Variants in DDX31 observed in about 807,000 individuals in gnomAD.
The protein encoded by DDX31 is ATP-dependent DNA helicase DDX31.
Under a neutral mutation model 91.3 loss-of-function variants are expected in DDX31, and 70 were observed. That is an observed-to-expected ratio of 0.77 (90% CI 0.63 to 0.94). The LOEUF (loss-of-function observed/expected upper bound fraction) is 0.94. DDX31 is among the 40% of genes least tolerant of loss of function. DDX31 has a pLI of 0.00. For synonymous variants in DDX31, 362 were observed against 350.6 expected (o/e 1.03, Z -0.36); for missense variants, 902 against 925.0 (o/e 0.98, Z 0.32).
chr9:132,625,862 T>TTA, intron 16 of DDX31, 117 bp from the exon 17 acceptor site: 2 of 672,256 alleles, frequency 3.0e-6, no homozygotes, highest in East Asian at 5.6e-5. Context: ...AAGTGACACC[T>TTA]TCCTAGGAAA....
rs1285946379 is a variant in DDX31, at chr9:132,594,014, G to C, written c.*852C>G. The C allele has an allele frequency of 6.8e-6, 1 of 146,962 alleles. No homozygotes were observed. The highest frequency in any genetic ancestry group is 6.7e-5 in the Admixed American group (1 of 14,854). 9.1% of individuals were successfully genotyped at this position (146,962 alleles called of 1,614,324 possible). A position where few individuals can be genotyped will look rare whatever the true frequency, so the allele number is the denominator to read the frequency against. On this transcript the variant is annotated 3_prime_UTR_variant, in exon 20 of 20. Transcript: ENST00000372159. ...CAAACCTCCCAGAAAACACAATGCA[G>C]GGGCAGGGCGGGGTGGGTCGGGGGC...
chr9:132,648,838 T>C (rs1319307333), intron 9 of DDX31, among the ~76,000 whole-genome samples: 1 of 152,138 alleles, frequency 6.6e-6, no homozygotes, highest in Non-Finnish European at 1.5e-5. Context: ...GACTCATAAA[T>C]CCTCTCTAGA....
chr9:132,605,022 C>T (rs557528755), intron 19 of DDX31, among the ~76,000 whole-genome samples: 188 of 152,308 alleles, frequency 1.2e-3, no homozygotes, highest in Admixed American at 2.3e-3. Flanking sequence ...CAACCCCAGG[C>T]CTGTTCTCTT....
At chr9:132,664,406 G>A (rs417562) in intron 1 of DDX31, among the ~76,000 whole-genome samples, 115,462 of 152,058 alleles carry the variant, frequency 0.76, 44,078 homozygotes, top group African/African-American at 0.82. Flanking sequence ...CTCTTAGGCT[G>A]AACTAAAAAA....
intron 15 of DDX31, 147 bp downstream of exon 15, chr9:132,631,894 G>A (rs1832748634): frequency 1.5e-6 from 1 of 651,134 alleles, no homozygotes; most frequent in South Asian, 2.2e-5. Context: ...GATGTCAGGG[G>A]AATTGAACAG....
chr9:132,630,705 A>C (rs1564303588), intron 15 of DDX31, among the ~76,000 whole-genome samples: 1 of 152,196 alleles, frequency 6.6e-6, no homozygotes, highest in African/African-American at 2.4e-5. Context: ...TCTTATTTGC[A>C]TCTTTTCACT....
chr9:132,631,039 G>A (rs1220398086), intron 15 of DDX31, among the ~76,000 whole-genome samples: 3 of 152,350 alleles, frequency 2.0e-5, no homozygotes, highest in South Asian at 2.1e-4. Flanking sequence ...CTGCTTGCAC[G>A]GAGAGCACTG....
chr9:132,637,653 G>T (rs1590048232), intron 14 of DDX31, among the ~76,000 whole-genome samples: 1 of 152,200 alleles, frequency 6.6e-6, no homozygotes, highest in South Asian at 2.1e-4. Context: ...CCGTTGTCCG[G>T]GTGACAGATT....
At chr9:132,648,736 AAATGC>A (rs1325150296) in intron 9 of DDX31, among the ~76,000 whole-genome samples, 185 bp from the exon 10 acceptor site, 1 of 152,226 alleles carries the variant, frequency 6.6e-6, no homozygotes, top group Non-Finnish European at 1.5e-5. Context: ...CTGTACTGTG[AAATGC>A]AATTGTTAAG....
Position 132,645,936 on chromosome 9 carries a change from G to A in DDX31, c.1339C>T (p.Arg447Ter), listed in dbSNP as rs753128554. ...CCATGCAGCCGTAGGAATTTTAATC[G>A]CATGGAGGCAGATGGCAACTGCCCT... ...ASGQLPSASM[R>*]LKFLRLHGGM... is the part of the protein sequence containing the mutation. Residue 447 changes from arginine to a stop codon, truncating the protein, a stop_gained, in exon 13 of 20, where the codon CGA (arginine) becomes TGA (stop). Coordinates refer to ENST00000372159, the MANE Select transcript of DDX31 (RefSeq NM_022779.9). LOFTEE classifies it high-confidence loss of function. 3 of 1,613,618 alleles carry A rather than the reference G, an allele frequency of 1.9e-6. No homozygotes were observed. The highest frequency in any genetic ancestry group is 4.5e-5 in the East Asian group (2 of 44,868).
At chr9:132,624,682 T>C (rs919266657) in intron 17 of DDX31, among the ~76,000 whole-genome samples, 1 of 152,142 alleles carries the variant, frequency 6.6e-6, no homozygotes, top group African/African-American at 2.4e-5. Context: ...TGCTATAAGA[T>C]TAAATGGGAC....
chr9:132,651,977 T>G (rs1325396779), intron 7 of DDX31, among the ~76,000 whole-genome samples: 1 of 152,102 alleles, frequency 6.6e-6, no homozygotes, highest in Non-Finnish European at 1.5e-5. Context: ...TGAAGTTGCC[T>G]CTGTAGGCAA....
At chr9:132,656,154 C>T (rs1263475638) in intron 6 of DDX31, among the ~76,000 whole-genome samples, 1 of 152,148 alleles carries the variant, frequency 6.6e-6, no homozygotes, top group Non-Finnish European at 1.5e-5. Flanking sequence ...GAAAAGCAGT[C>T]CGTTCTCACG....
chr9:132,632,241 T>TGTACAC (rs1466872933), intron 14 of DDX31, 150 bp from the exon 15 acceptor site: 21 of 94,096 alleles, frequency 2.2e-4, no homozygotes, highest in Non-Finnish European at 3.3e-4. Context: ...CCAGTACGTG[T>TGTACAC]ACACACACAC....
At chr9:132,663,181 C>G (rs1216750356) in intron 1 of DDX31, 1 of 1,289,238 alleles carries the variant, frequency 7.8e-7, no homozygotes, top group African/African-American at 1.5e-5. Context: ...AGGGGGAATG[C>G]GCATCTCAGC....
At chr9:132,641,027 G>A (rs1255938423) in intron 14 of DDX31, among the ~76,000 whole-genome samples, 8 of 152,112 alleles carry the variant, frequency 5.3e-5, no homozygotes, top group Non-Finnish European at 8.8e-5. Context: ...CCTCACACAC[G>A]AGAAATGACA....
chr9:132,597,897 G>C (rs527792651), intron 19 of DDX31, among the ~76,000 whole-genome samples: 17 of 152,360 alleles, frequency 1.1e-4, no homozygotes, highest in African/African-American at 3.8e-4. Flanking sequence ...GGGCCCACGT[G>C]GTGGAAGAGG....
chr9:132,608,741 T>C (rs1831164049), intron 19 of DDX31, among the ~76,000 whole-genome samples: 1 of 152,250 alleles, frequency 6.6e-6, no homozygotes, highest in Non-Finnish European at 1.5e-5. Context: ...TTCTCTTTCT[T>C]GACAGACGGA....
intron 14 of DDX31, chr9:132,638,143 G>T: frequency 7.2e-7 from 1 of 1,386,044 alleles, no homozygotes; most frequent in Non-Finnish European, 9.3e-7. Flanking sequence ...AGGGCGGGCT[G>T]CAGGTATCTT....
Sources: gnomAD v4.1 joint callset for allele counts (sites outside exome capture counted in the v4.1 genomes callset) on GRCh38, gnomAD v4.1.1 for gene constraint, MANE v1.5 for transcripts, NCBI Gene and HGNC (gene_info 2026-07-23, HGNC 2026-07-21) for gene names.